Variants in TAOK1 observed in about 807,000 individuals in gnomAD.
The protein encoded by TAOK1 is TAO kinase 1.
In TAOK1, 21 loss-of-function variants were observed where a neutral mutation model predicts 138.3. The observed-to-expected ratio is 0.15, with a 90% CI of 0.11 to 0.22. The LOEUF (loss-of-function observed/expected upper bound fraction) is 0.22, where lower values mean the gene tolerates loss of function less well. TAOK1 is among the 10% of genes least tolerant of loss of function. TAOK1 has a pLI of 1.00. For missense variants in TAOK1, 651 were observed against 1,227.7 expected (o/e 0.53, Z 7.02); for synonymous variants, 361 against 398.4 (o/e 0.91, Z 1.12).
intron 19 of TAOK1, among the ~76,000 whole-genome samples, chr17:29,537,418 C>T (rs1441693657): frequency 6.6e-6 from 1 of 151,882 alleles, no homozygotes. Context: ...GGTACAATCT[C>T]AGCTCACTGC....
chr17:29,424,040 C>A (rs1351428832), intron 1 of TAOK1, among the ~76,000 whole-genome samples: 5 of 116,318 alleles, frequency 4.3e-5, no homozygotes, highest in Non-Finnish European at 6.8e-5. Flanking sequence ...CAGAGTGAGA[C>A]CCTGTCTCAA....
At chr17:29,542,535 T>A in intron 19 of TAOK1, 26 bp from the exon 20 acceptor site, 1 of 1,533,290 alleles carries the variant, frequency 6.5e-7, no homozygotes, top group Non-Finnish European at 8.8e-7. Context: ...TAAATTGGCT[T>A]TCATTTTTCT....
intron 1 of TAOK1, among the ~76,000 whole-genome samples, chr17:29,420,718 T>G (rs1905411234): frequency 6.6e-6 from 1 of 151,350 alleles, no homozygotes; most frequent in Non-Finnish European, 1.5e-5. Context: ...CCCGAGTAGC[T>G]GGGATTACAG....
intron 1 of TAOK1, among the ~76,000 whole-genome samples, chr17:29,393,782 T>A (rs1216798226): frequency 1.3e-5 from 2 of 152,204 alleles, no homozygotes; most frequent in African/African-American, 2.4e-5. Flanking sequence ...TTTAATAGTT[T>A]AAGATTATCT....
chr17:29,542,127 T>G (rs1202908963), intron 19 of TAOK1, among the ~76,000 whole-genome samples: 6 of 152,182 alleles, frequency 3.9e-5, no homozygotes, highest in South Asian at 4.1e-4. Flanking sequence ...TCCGCCCGCA[T>G]CAGCCTCCCA....
chr17:29,470,258 C>G (rs2153025964), intron 3 of TAOK1, among the ~76,000 whole-genome samples: 1 of 152,142 alleles, frequency 6.6e-6, no homozygotes, highest in African/African-American at 2.4e-5. Flanking sequence ...AGCTTAAGAC[C>G]AAAGGTTTAA....
intron 3 of TAOK1, among the ~76,000 whole-genome samples, chr17:29,472,732 G>A (rs1470340139): frequency 2.0e-5 from 3 of 151,532 alleles, no homozygotes; most frequent in Admixed American, 6.6e-5. Flanking sequence ...GCACCACCAC[G>A]CCCGGCTCAT....
chr17:29,436,793 A>G (rs560898472), intron 1 of TAOK1, among the ~76,000 whole-genome samples: 87 of 152,248 alleles, frequency 5.7e-4, no homozygotes, highest in Non-Finnish European at 9.6e-4. Flanking sequence ...AAGATTAAAC[A>G]CCATTTTGGC....
At chr17:29,424,833 C>T (rs1197252951) in intron 1 of TAOK1, 1 of 151,892 alleles carries the variant, frequency 6.6e-6, no homozygotes, top group Non-Finnish European at 1.5e-5. Flanking sequence ...TGTATTGTTC[C>T]AGGTTTTTAG....
At chr17:29,436,874 G>C (rs1161330537) in intron 1 of TAOK1, among the ~76,000 whole-genome samples, 1 of 152,072 alleles carries the variant, frequency 6.6e-6, no homozygotes, top group Non-Finnish European at 1.5e-5. Flanking sequence ...GGGGCCCTCT[G>C]AAGTATCTGA....
Position 29,470,889 on chromosome 17 carries a change from G to A in TAOK1, c.204+3673G>A, listed in dbSNP as rs1028369673. Among the ~76,000 whole-genome samples, 6 of 152,274 alleles carry A rather than the reference G, an allele frequency of 3.9e-5. No individual in the cohort carries two copies. In the South Asian group the frequency reaches 1.2e-3, roughly 32 times the overall value. ...TGTAATCCCAGCACTTTGGAAGGCC[G>A]AGGCAGGCGGATCACTTGAGGTCAG... On this transcript the variant is annotated intron_variant, in intron 3 of 19. Transcript: ENST00000261716.
In TAOK1 at chr17:29,543,043, A is replaced by G. The variant is rs1445073555; in HGVS notation, c.*21A>G. 1 of 1,516,996 alleles carries G rather than the reference A, an allele frequency of 6.6e-7. No individual in the cohort carries two copies. The highest frequency in any genetic ancestry group is 8.9e-7 in the Non-Finnish European group (1 of 1,124,542). The allele number at this position is 1,516,996 out of a possible 1,614,324, so 94.0% of individuals were successfully genotyped here. On this transcript the variant is annotated 3_prime_UTR_variant, in exon 20 of 20. Transcript: ENST00000261716. ...CATAACTTAATAATTGAGAGTGGCAATTCCGCTGGAGCTGTCTGCCAAAAG... is the reference window on the plus strand; with the variant it reads ...CATAACTTAATAATTGAGAGTGGCAGTTCCGCTGGAGCTGTCTGCCAAAAG...
At chr17:29,429,232 A>T (rs1466584765) in intron 1 of TAOK1, among the ~76,000 whole-genome samples, 1 of 152,188 alleles carries the variant, frequency 6.6e-6, no homozygotes, top group Non-Finnish European at 1.5e-5. Context: ...ATGTACAGAA[A>T]AAGTGCAAAG....
intron 17 of TAOK1, among the ~76,000 whole-genome samples, chr17:29,525,497 C>T (rs2031994753): frequency 6.6e-6 from 1 of 152,086 alleles, no homozygotes; most frequent in African/African-American, 2.4e-5. Flanking sequence ...CTCTGCCTCC[C>T]AGGATCAAGC....
At chr17:29,446,737 CTT>C (rs34871616) in intron 1 of TAOK1, among the ~76,000 whole-genome samples, 148 of 119,800 alleles carry the variant, frequency 1.2e-3, no homozygotes, top group Admixed American at 1.5e-3. Context: ...TTTTACTGTA[CTT>C]TTTTTTTTTT....
At chr17:29,464,432 A>G (rs1366976679) in intron 2 of TAOK1, among the ~76,000 whole-genome samples, 1 of 148,858 alleles carries the variant, frequency 6.7e-6, no homozygotes, top group Non-Finnish European at 1.5e-5. Context: ...CTACTAAGCG[A>G]GACTCCATCT....
At chr17:29,481,499 A>G (rs541151334) in intron 7 of TAOK1, among the ~76,000 whole-genome samples, 1 of 152,080 alleles carries the variant, frequency 6.6e-6, no homozygotes, top group Middle Eastern at 3.4e-3. Context: ...CAAAAAATAG[A>G]CTTTTGTAAT....
intron 11 of TAOK1, among the ~76,000 whole-genome samples, chr17:29,497,597 T>C (rs888171040): frequency 4.6e-5 from 7 of 151,588 alleles, no homozygotes; most frequent in African/African-American, 1.7e-4. Flanking sequence ...CTTATGATTG[T>C]GATTTGAAAC....
At chr17:29,486,291 A>G (rs574242009) in intron 8 of TAOK1, among the ~76,000 whole-genome samples, 1 of 152,162 alleles carries the variant, frequency 6.6e-6, no homozygotes, top group Non-Finnish European at 1.5e-5. Flanking sequence ...TTTATCTCAA[A>G]AAAAGAAAAA....
Sources: allele counts gnomAD v4.1 joint callset (sites outside exome capture counted in the v4.1 genomes callset), GRCh38; gene constraint gnomAD v4.1.1; transcripts MANE v1.5; gene names NCBI Gene and HGNC (gene_info 2026-07-23, HGNC 2026-07-21).